Variants in BBS9 observed in about 807,000 individuals in gnomAD.
BBS9 encodes the protein Bardet-Biedl syndrome 9.
Under a neutral mutation model 117.7 loss-of-function variants are expected in BBS9, and 89 were observed. The ratio of observed to expected loss-of-function variants is 0.76; its 90% CI spans 0.64 to 0.90. The LOEUF (loss-of-function observed/expected upper bound fraction) is 0.90, where lower values mean the gene tolerates loss of function less well. BBS9 is among the 40% of genes least tolerant of loss of function. BBS9 has a pLI of 0.00. For missense variants in BBS9, 982 were observed against 1,042.2 expected, an observed-to-expected ratio of 0.94 and a Z score of 0.80; for synonymous variants, 379 against 370.9, an observed-to-expected ratio of 1.02 and a Z score of -0.25.
chr7:33,263,427 C>T (rs1204922633), intron 6 of BBS9, among the ~76,000 whole-genome samples: 1 of 151,950 alleles, frequency 6.6e-6, no homozygotes, highest in Non-Finnish European at 1.5e-5. Flanking sequence ...GCTTTATGTA[C>T]AGTAGGATTA....
chr7:33,358,359 T>C (rs910052960), intron 16 of BBS9, among the ~76,000 whole-genome samples: 2 of 151,844 alleles, frequency 1.3e-5, no homozygotes, highest in Non-Finnish European at 3.0e-5. Flanking sequence ...GTATAAATAT[T>C]TATTATTTTC....
intron 5 of BBS9, among the ~76,000 whole-genome samples, chr7:33,249,841 T>A (rs1795961336): frequency 6.6e-6 from 1 of 152,226 alleles, no homozygotes; most frequent in East Asian, 1.9e-4. Flanking sequence ...GCACTGTGGA[T>A]CAAGTATAAT....
intron 19 of BBS9, among the ~76,000 whole-genome samples, chr7:33,422,511 T>C (rs1191477203): frequency 6.6e-6 from 1 of 152,224 alleles, no homozygotes; most frequent in East Asian, 1.9e-4. Context: ...TTTTTAAGAA[T>C]ATTGGCTAAG....
chr7:33,551,537 C>T (rs1177916181), intron 21 of BBS9, among the ~76,000 whole-genome samples: 2 of 151,910 alleles, frequency 1.3e-5, no homozygotes, highest in African/African-American at 4.8e-5. Context: ...ACATTATTTC[C>T]ATTGAAAAAC....
In BBS9 at chr7:33,588,386, A is replaced by C. The variant is rs541400602; in HGVS notation, c.2522-16479A>C. Among the ~76,000 whole-genome samples the C allele has an allele frequency of 2.0e-5, 3 of 152,254 alleles. No homozygotes were observed. In the South Asian group the frequency reaches 6.2e-4, roughly 32 times the overall value. On this transcript the variant is annotated intron_variant, in intron 21 of 22. Transcript: ENST00000242067. ...AAAAGGCAGATAATACTATGTAAAA[A>C]TTAGAATTGATTTTGGTTTCCGTTG...
At chr7:33,477,648 G>A (rs1841980513) in intron 19 of BBS9, among the ~76,000 whole-genome samples, 1 of 152,198 alleles carries the variant, frequency 6.6e-6, no homozygotes. Context: ...AGAATTAGAA[G>A]TTCAGTTCTG....
chr7:33,415,565 A>G (rs1340778138), intron 19 of BBS9, among the ~76,000 whole-genome samples: 1 of 152,302 alleles, frequency 6.6e-6, no homozygotes, highest in African/African-American at 2.4e-5. Context: ...AAAACTGGCA[A>G]ATATGTTTTT....
At chr7:33,384,482 G>T (rs1825658101) in intron 18 of BBS9, among the ~76,000 whole-genome samples, 2 of 152,106 alleles carry the variant, frequency 1.3e-5, no homozygotes. Flanking sequence ...TGATGATTGG[G>T]ACTAGCCAAA....
intron 19 of BBS9, among the ~76,000 whole-genome samples, chr7:33,391,672 C>T (rs940806444): frequency 2.0e-5 from 3 of 152,006 alleles, no homozygotes; most frequent in South Asian, 2.1e-4. Flanking sequence ...TTATGACTTG[C>T]GTATGTACAC....
chr7:33,622,362 G>C (rs1312423113), intron 21 of BBS9, among the ~76,000 whole-genome samples: 3 of 152,114 alleles, frequency 2.0e-5, no homozygotes, highest in Non-Finnish European at 2.9e-5. Context: ...GGGAGGTGTT[G>C]GTTGAAGCAT....
At chr7:33,407,417 G>A (rs1830228423) in intron 19 of BBS9, among the ~76,000 whole-genome samples, 1 of 152,196 alleles carries the variant, frequency 6.6e-6, no homozygotes, top group African/African-American at 2.4e-5. Context: ...ATCGTCTGAA[G>A]CCTTCTTCTC....
At chr7:33,468,006 A>G (rs1434837183) in intron 19 of BBS9, among the ~76,000 whole-genome samples, 2 of 152,128 alleles carry the variant, frequency 1.3e-5, no homozygotes, top group Admixed American at 6.6e-5. Flanking sequence ...CTGATAATTG[A>G]TCCAGCCTGC....
intron 21 of BBS9, among the ~76,000 whole-genome samples, chr7:33,617,703 C>G (rs1271802990): frequency 1.3e-5 from 2 of 151,932 alleles, no homozygotes; most frequent in African/African-American, 4.8e-5. Context: ...GAATAAAAAC[C>G]ATGAAAAAGA....
chr7:33,610,782 T>C (rs7791607), downstream of BBS9, among the ~76,000 whole-genome samples: 1 of 151,936 alleles, frequency 6.6e-6, no homozygotes, highest in African/African-American at 2.4e-5. Flanking sequence ...TGGGCTCAAA[T>C]GTAAGTACAC....
chr7:33,171,600 A>G (rs1020468351), intron 4 of BBS9, among the ~76,000 whole-genome samples: 1 of 152,170 alleles, frequency 6.6e-6, no homozygotes, highest in Non-Finnish European at 1.5e-5. Flanking sequence ...TTAAGTTTTT[A>G]GAAAGATTTT....
chr7:33,534,073 C>T lies in BBS9; in HGVS notation c.2418C>T (p.Ser806=). 6.2e-7 allele frequency: 1 copy of T among 1,614,160 alleles called. No individual in the cohort carries two copies. The highest frequency in any genetic ancestry group is 8.5e-7 in the Non-Finnish European group (1 of 1,180,030). ...AGCTGAACATACCCAAAGACACAAGCCAACTGAAGAAACATATCACCTTGC... is the reference window on the plus strand; with the variant it reads ...AGCTGAACATACCCAAAGACACAAGTCAACTGAAGAAACATATCACCTTGC... ...NSQLNIPKDT[S]QLKKHITLLC... is the part of the protein sequence containing the mutation. The change falls in exon 21 of 23, where the codon AGC becomes AGT. Residue 806 remains serine, a synonymous_variant. Transcript: ENST00000242067.
chr7:33,498,183 C>A (rs1040725640), intron 19 of BBS9, among the ~76,000 whole-genome samples: 1 of 152,106 alleles, frequency 6.6e-6, no homozygotes, highest in Non-Finnish European at 1.5e-5. Flanking sequence ...CATGGTTATT[C>A]CATCATCCTT....
At chr7:33,362,919 A>T (rs144086921) in intron 16 of BBS9, among the ~76,000 whole-genome samples, 6 of 152,160 alleles carry the variant, frequency 3.9e-5, no homozygotes, top group African/African-American at 1.2e-4. Context: ...TTTTTTTAAG[A>T]TGAAAATGCA....
At chr7:33,521,575 T>C (rs1848600406) in intron 20 of BBS9, among the ~76,000 whole-genome samples, 1 of 152,210 alleles carries the variant, frequency 6.6e-6, no homozygotes, top group South Asian at 2.1e-4. Flanking sequence ...ATGTGGAATT[T>C]TCTTCATTTT....
Sources: gnomAD v4.1 joint callset for allele counts (sites outside exome capture counted in the v4.1 genomes callset) on GRCh38, gnomAD v4.1.1 for gene constraint, MANE v1.5 for transcripts, NCBI Gene and HGNC (gene_info 2026-07-23, HGNC 2026-07-21) for gene names.